The following ADGRL1 variants were observed in gnomAD, a reference collection of about 807,000 sequenced individuals.
The protein encoded by ADGRL1 is CIRL-1.
ADGRL1 carries 31 observed loss-of-function variants against 148.9 expected under a neutral mutation model. That is an observed-to-expected ratio of 0.21 (90% CI 0.16 to 0.28). The LOEUF (loss-of-function observed/expected upper bound fraction) is 0.28. Ranked by LOEUF, ADGRL1 falls within the 10% of genes least tolerant of loss-of-function variation. The pLI is 1.00. For synonymous variants in ADGRL1, 937 were observed against 900.3 expected, an observed-to-expected ratio of 1.04 and a Z score of -0.73; for missense variants, 1,521 against 2,058.8, an observed-to-expected ratio of 0.74 and a Z score of 5.05.
At chr19:14,178,003 A>C (rs1599471937) in intron 2 of ADGRL1, among the ~76,000 whole-genome samples, 1 of 152,172 alleles carries the variant, frequency 6.6e-6, no homozygotes, top group Admixed American at 6.5e-5. Context: ...CTGCTTGATA[A>C]GAGTGACTGT....
chr19:14,179,419 A>G lies in ADGRL1; in HGVS notation c.71-1675T>C, dbSNP rs185859210. 2.6e-5 allele frequency among the ~76,000 whole-genome samples: 4 copies of G among 151,524 alleles called. No individual in the cohort carries two copies. The East Asian group carries it at 5.9e-4, about 22-fold the overall frequency. Reference sequence around the variant, plus strand: ...TGAGGAAGGAGAATGGCCTGAACCCAGGAGGCAGGGCTTGCAGTGAGCTGA... The same window carrying G: ...TGAGGAAGGAGAATGGCCTGAACCCGGGAGGCAGGGCTTGCAGTGAGCTGA... On this transcript the variant is annotated intron_variant, in intron 2 of 22. Transcript: ENST00000361434.
Position 14,183,520 on chromosome 19 carries a change from C to G in ADGRL1, c.70+13G>C. On this transcript the variant is annotated intron_variant, in intron 2 of 22. Coordinates refer to ENST00000361434, the MANE Select transcript of ADGRL1 (RefSeq NM_014921.5). ...GGGAGCCGCGGCCCCTCCCCGGCCC[C>G]AGCAGCACCTACCTTGGGTGGCCGA... is the stretch of plus-strand genomic sequence containing the variant. 6.4e-7 allele frequency: 1 copy of G among 1,564,698 alleles called. No individual in the cohort carries two copies. Among genetic ancestry groups the G allele is most frequent in the Non-Finnish European group, 8.7e-7 (1 of 1,154,152 alleles).
rs531997891 is a variant in ADGRL1 at position 14,183,193 on chromosome 19, C to G, written c.70+340G>C. Among the ~76,000 whole-genome samples the G allele has an allele frequency of 2.4e-3, 353 of 145,408 alleles. 2 individuals are homozygous for G. The highest frequency in any genetic ancestry group is 8.5e-3 in the African/African-American group (330 of 39,036). On this transcript the variant is annotated intron_variant, in intron 2 of 22. Transcript: ENST00000361434. The stretch of plus-strand genomic sequence containing the variant: ...AGTGAGAGCCTCGAAGATGTAATCA[C>G]AGAGAGAGAGAGAGAGAGAGAGAGC...
chr19:14,175,788 C>T (rs537897014), intron 3 of ADGRL1, among the ~76,000 whole-genome samples: 1 of 152,270 alleles, frequency 6.6e-6, no homozygotes, highest in African/African-American at 2.4e-5. Context: ...CAGTGGCTCA[C>T]GCCTGTAATC....
Position 14,160,494 on chromosome 19 carries a change from T to A in ADGRL1, c.1614+99A>T. ...ACCCCACAGTCCTGCCTTCCAGACCTGCCAGCCCATGTCTCCCCAGCTGCT... is the reference window on the plus strand; with the variant it reads ...ACCCCACAGTCCTGCCTTCCAGACCAGCCAGCCCATGTCTCCCCAGCTGCT... On this transcript the variant is annotated intron_variant, in intron 7 of 22. Transcript: ENST00000361434. The surrounding 1 kb of genome is among the most constrained non-coding windows in gnomAD (Gnocchi z 5.9). 2 of 1,003,544 alleles carry A rather than the reference T, an allele frequency of 2.0e-6. No individual in the cohort carries two copies. Among genetic ancestry groups the A allele is most frequent in the Non-Finnish European group, 2.9e-6 (2 of 688,280 alleles). 62.2% of individuals were successfully genotyped at this position (1,003,544 alleles called of 1,614,324 possible). A position where few individuals can be genotyped will look rare whatever the true frequency, so the allele number is the denominator to read the frequency against.
At chr19:14,205,552 C>T (rs1180811943) in intron 1 of ADGRL1, among the ~76,000 whole-genome samples, 1 of 151,890 alleles carries the variant, frequency 6.6e-6, no homozygotes, top group Non-Finnish European at 1.5e-5. Flanking sequence ...ACCCCCTCCG[C>T]TCACACCCAG....
intron 1 of ADGRL1, among the ~76,000 whole-genome samples, chr19:14,203,253 G>A (rs1442798597): frequency 2.0e-5 from 3 of 152,176 alleles, no homozygotes; most frequent in East Asian, 1.9e-4. Flanking sequence ...AATCAGATCC[G>A]TGAGAGGAAC....
chr19:14,172,467 C>T (rs1429857399), intron 3 of ADGRL1, among the ~76,000 whole-genome samples: 1 of 151,502 alleles, frequency 6.6e-6, no homozygotes, highest in African/African-American at 2.4e-5. Flanking sequence ...GGGCAGGGTG[C>T]AGTGGCTCAC....
chr19:14,201,373 A>G (rs1446244331), intron 1 of ADGRL1, among the ~76,000 whole-genome samples: 1 of 98,782 alleles, frequency 1.0e-5, no homozygotes, highest in African/African-American at 4.1e-5. Flanking sequence ...TTGAATTTTT[A>G]TCTCCCCCCA....
intron 2 of ADGRL1, among the ~76,000 whole-genome samples, chr19:14,183,212 A>AGAGAGAGAGCGAGAGCGAGC (rs71172403): frequency 6.6e-6 from 1 of 151,050 alleles, no homozygotes; most frequent in Non-Finnish European, 1.5e-5. Context: ...AGAGAGAGAG[A>AGAGAGAGAGCGAGAGCGAGC]GAGAGCGAGA....
chr19:14,180,405 G>A (rs1971109134), intron 2 of ADGRL1, among the ~76,000 whole-genome samples: 2 of 151,166 alleles, frequency 1.3e-5, no homozygotes, highest in South Asian at 2.1e-4. Flanking sequence ...ACAGGCGCCT[G>A]CCACCACACC....
At chr19:14,184,278 G>C (rs905363141) in intron 1 of ADGRL1, among the ~76,000 whole-genome samples, 5 of 152,116 alleles carry the variant, frequency 3.3e-5, no homozygotes, top group Non-Finnish European at 7.4e-5. Flanking sequence ...GGGTAAGCTG[G>C]AGACAGGCAG....
In ADGRL1 at chr19:14,159,687, C is replaced by T. The variant is rs371272427; in HGVS notation, c.1839+48G>A. On this transcript the variant is annotated intron_variant, in intron 9 of 22. Coordinates refer to ENST00000361434, the MANE Select transcript of ADGRL1 (RefSeq NM_014921.5). This position sits in a 1 kb window ranked among gnomAD's most constrained non-coding sequence, Gnocchi z 6.0. ...TCTCAACCTCCACCCCTAATCCCCC[C>T]ATCAGCTGGAGCCCACGGTCCTTAC... The T allele has an allele frequency of 2.5e-6, 4 of 1,606,014 alleles. No individual in the cohort carries two copies. In the African/African-American group the frequency reaches 4.0e-5, roughly 16 times the overall value.
rs1322559094 is a variant in ADGRL1, at chr19:14,178,402, G to T, written c.71-658C>A. Among the ~76,000 whole-genome samples, 3 of 152,090 alleles carry T rather than the reference G, an allele frequency of 2.0e-5. No individual in the cohort carries two copies. The East Asian group carries it at 5.9e-4, about 30-fold the overall frequency. ...CACCTGTAGTCCCAGCTACTGGGGAGGCTGAGGTGGGAGGATCACCTCAGC... is the reference window on the plus strand; with the variant it reads ...CACCTGTAGTCCCAGCTACTGGGGATGCTGAGGTGGGAGGATCACCTCAGC... On this transcript the variant is annotated intron_variant, in intron 2 of 22. Coordinates refer to ENST00000361434, the MANE Select transcript of ADGRL1 (RefSeq NM_014921.5).
chr19:14,153,081 C>G (rs1284171946), intron 18 of ADGRL1, among the ~76,000 whole-genome samples, 169 bp from the exon 19 acceptor site: 2 of 152,194 alleles, frequency 1.3e-5, no homozygotes, highest in Non-Finnish European at 2.9e-5. Context: ...TTGATGTCCC[C>G]TGTCCCCCAA....
At chr19:14,203,366 C>T (rs918565682) in intron 1 of ADGRL1, among the ~76,000 whole-genome samples, 1 of 152,146 alleles carries the variant, frequency 6.6e-6, no homozygotes, top group African/African-American at 2.4e-5. Context: ...GATGGCAGTG[C>T]TCCCACTCCT....
rs767064101 is a variant in ADGRL1 at position 14,159,067 on chromosome 19, G to A, written c.2149+23C>T. 53 of 1,612,420 alleles carry A rather than the reference G, an allele frequency of 3.3e-5. No individual in the cohort carries two copies. Among genetic ancestry groups the A allele is most frequent in the Middle Eastern group, 3.8e-4 (2 of 5,256 alleles). ...TGGGGGTGGGGCTGCTTCCCCACCC[G>A]AGGCCCCGCCGGGGACACTGACCAT... On this transcript the variant is annotated intron_variant, in intron 11 of 22. Transcript: ENST00000361434. This position sits in a 1 kb window ranked among gnomAD's most constrained non-coding sequence, Gnocchi z 6.0.
Position 14,155,350 on chromosome 19 carries a change from C to T in ADGRL1, c.3294+9G>A, listed in dbSNP as rs201261613. 239 of 1,613,102 alleles carry T rather than the reference C, an allele frequency of 1.5e-4. No homozygotes were observed. In the African/African-American group the frequency reaches 2.1e-3, roughly 14 times the overall value. The stretch of plus-strand genomic sequence containing the variant: ...GAGGCTGTGACCCAGGACCCCGCCT[C>T]GACCTCACCTTCTTCTGTAAGGCGC... On this transcript the variant is annotated intron_variant, in intron 18 of 22. Transcript: ENST00000361434. This position sits in a 1 kb window ranked among gnomAD's most constrained non-coding sequence, Gnocchi z 5.0.
rs1449885589 is a variant in ADGRL1, at chr19:14,159,854, T to C, written c.1801-81A>G. On this transcript the variant is annotated intron_variant, in intron 8 of 22. Coordinates refer to ENST00000361434, the MANE Select transcript of ADGRL1 (RefSeq NM_014921.5). The surrounding 1 kb of genome is among the most constrained non-coding windows in gnomAD (Gnocchi z 6.0). ...CCTAATACTGTCACATCTGGATAGC[T>C]CTCTCGTCTGCGGTTACCACTGACC... 7.8e-7 allele frequency: 1 copy of C among 1,287,820 alleles called. No individual in the cohort carries two copies. The highest frequency in any genetic ancestry group is 1.1e-6 in the Non-Finnish European group (1 of 884,816). 79.8% of individuals were successfully genotyped at this position (1,287,820 alleles called of 1,614,324 possible).
Sources: allele counts gnomAD v4.1 joint callset (sites outside exome capture counted in the v4.1 genomes callset), GRCh38; gene constraint gnomAD v4.1.1; non-coding constraint Gnocchi (gnomAD v3.1); transcripts MANE v1.5; gene names NCBI Gene and HGNC (gene_info 2026-07-23, HGNC 2026-07-21).